Variants in PPP3CA observed in about 807,000 individuals in gnomAD.
PPP3CA encodes the protein protein phosphatase 3 catalytic subunit alpha.
A neutral mutation model predicts 66.5 loss-of-function variants in PPP3CA; 14 were observed. That is an observed-to-expected ratio of 0.21 (90% CI 0.14 to 0.33). PPP3CA has a LOEUF of 0.33. Among genes scored for constraint, PPP3CA ranks in the 10% least tolerant of loss-of-function variants. PPP3CA has a pLI of 1.00. For synonymous variants in PPP3CA, 232 were observed against 226.2 expected (o/e 1.03, Z -0.23); for missense variants, 317 against 639.5 (o/e 0.50, Z 5.44).
chr4:101,333,140 T>C (rs1729445756), intron 1 of PPP3CA, among the ~76,000 whole-genome samples: 1 of 148,112 alleles, frequency 6.8e-6, no homozygotes, highest in Non-Finnish European at 1.5e-5. Context: ...AGTCTCATAC[T>C]GTTACCCAGG....
intron 2 of PPP3CA, among the ~76,000 whole-genome samples, chr4:101,115,986 G>A (rs749889246): frequency 1.3e-5 from 2 of 151,934 alleles, no homozygotes; most frequent in Non-Finnish European, 2.9e-5. Context: ...GATTTTTAAT[G>A]TATCAGCATT....
chr4:101,054,806 C>T (rs764881142), intron 10 of PPP3CA, among the ~76,000 whole-genome samples: 1 of 152,040 alleles, frequency 6.6e-6, no homozygotes, highest in Non-Finnish European at 1.5e-5. Flanking sequence ...TATTCACTTG[C>T]TTATGGTTAA....
At position 101,092,451 on chromosome 4, in the gene PPP3CA, GT is replaced by G. The variant is rs1005230545; in HGVS notation, c.782+1324del. ...CAGTTTTTTTTTTTTTAATACTGGA[GT>G]TTTTTTTAAGTTCTGGAGTACATGT... On this transcript the variant is annotated intron_variant, in intron 6 of 13. Transcript: ENST00000394854. 4.0e-5 allele frequency among the ~76,000 whole-genome samples: 6 copies of G among 150,606 alleles called. No individual in the cohort carries two copies. The South Asian group carries it at 8.4e-4, about 21-fold the overall frequency.
chr4:101,284,252 T>C (rs966753550), intron 1 of PPP3CA, among the ~76,000 whole-genome samples: 1 of 152,206 alleles, frequency 6.6e-6, no homozygotes. Context: ...AAATCTTGTA[T>C]AGGATTTCTA....
At chr4:101,218,905 C>T (rs763619959) in intron 1 of PPP3CA, among the ~76,000 whole-genome samples, 21 of 152,034 alleles carry the variant, frequency 1.4e-4, no homozygotes, top group Non-Finnish European at 2.9e-4. Flanking sequence ...ACTATTTGTA[C>T]TCCATAGTTT....
rs78050296 is a variant in PPP3CA, at chr4:101,293,268, A to G, written c.58+53471T>C. On this transcript the variant is annotated intron_variant, in intron 1 of 13. Coordinates refer to ENST00000394854, the MANE Select transcript of PPP3CA (RefSeq NM_000944.5). Reference sequence around the variant, plus strand: ...TTACCTGCTTGCTCAATCACAGGTAATAATATTATCCCCCCTTTTCTGTCT... The same window carrying G: ...TTACCTGCTTGCTCAATCACAGGTAGTAATATTATCCCCCCTTTTCTGTCT... 5.2e-3 allele frequency among the ~76,000 whole-genome samples: 788 copies of G among 152,212 alleles called. 13 individuals are homozygous for G. Among genetic ancestry groups the G allele is most frequent in the African/African-American group, 0.018 (752 of 41,534 alleles).
chr4:101,282,753 C>T (rs1241704121), intron 1 of PPP3CA, among the ~76,000 whole-genome samples: 1 of 152,138 alleles, frequency 6.6e-6, no homozygotes, highest in Non-Finnish European at 1.5e-5. Context: ...TAAAGCAAGG[C>T]TCCCACCCAC....
chr4:101,262,537 C>T (rs1727041770), intron 1 of PPP3CA, among the ~76,000 whole-genome samples: 1 of 152,038 alleles, frequency 6.6e-6, no homozygotes, highest in South Asian at 2.1e-4. Context: ...ATTGTAAAGG[C>T]TAGAGGGAAC....
intron 5 of PPP3CA, among the ~76,000 whole-genome samples, chr4:101,097,521 T>C (rs1730248865): frequency 6.6e-6 from 1 of 152,120 alleles, no homozygotes; most frequent in Non-Finnish European, 1.5e-5. Context: ...TTTAAAATAA[T>C]TCCAAGTAAT....
At chr4:101,084,760 T>C (rs1226199051) in intron 6 of PPP3CA, among the ~76,000 whole-genome samples, 1 of 152,130 alleles carries the variant, frequency 6.6e-6, no homozygotes, top group African/African-American at 2.4e-5. Flanking sequence ...TGTGCCCATG[T>C]GTAGTGTGTT....
intron 1 of PPP3CA, chr4:101,240,740 AAAT>A (rs1323240280): frequency 6.6e-6 from 1 of 152,138 alleles, no homozygotes; most frequent in East Asian, 1.9e-4. Flanking sequence ...AAATTTAAAA[AAAT>A]AATAAGGATG....
Position 101,347,250 on chromosome 4 carries a change from G to A in PPP3CA, c.-454C>T. 4.6e-6 allele frequency: 1 copy of A among 218,698 alleles called. No individual in the cohort carries two copies. Among genetic ancestry groups the A allele is most frequent in the Non-Finnish European group, 9.0e-6 (1 of 110,972 alleles). 13.5% of individuals were successfully genotyped at this position (218,698 alleles called of 1,614,324 possible). A position where few individuals can be genotyped will look rare whatever the true frequency, so the allele number is the denominator to read the frequency against. On this transcript the variant is annotated 5_prime_UTR_variant, in exon 1 of 14. Coordinates refer to ENST00000394854, the MANE Select transcript of PPP3CA (RefSeq NM_000944.5). ...ATGGGGAAGGCCGGGGGCGAGGGAG[G>A]AGAGGCAGGGCCGCCGATGTCAGTG...
intron 1 of PPP3CA, among the ~76,000 whole-genome samples, chr4:101,308,288 C>T (rs1043255490): frequency 2.6e-5 from 4 of 152,084 alleles, no homozygotes; most frequent in African/African-American, 9.7e-5. Context: ...ATGAATAGAC[C>T]TGACCCAAAG....
intron 1 of PPP3CA, among the ~76,000 whole-genome samples, chr4:101,220,456 T>C (rs540407528): frequency 6.6e-6 from 1 of 151,804 alleles, no homozygotes; most frequent in East Asian, 1.9e-4. Context: ...AATAACAGTA[T>C]TAACACTAAA....
At chr4:101,221,328 ATAAG>A (rs1342658899) in intron 1 of PPP3CA, among the ~76,000 whole-genome samples, 2 of 151,680 alleles carry the variant, frequency 1.3e-5, no homozygotes, top group Non-Finnish European at 3.0e-5. Flanking sequence ...ATGTACAGAA[ATAAG>A]TAAGTCTATC....
intron 1 of PPP3CA, among the ~76,000 whole-genome samples, chr4:101,332,076 T>G (rs1407406275): frequency 6.6e-6 from 1 of 152,178 alleles, no homozygotes; most frequent in Non-Finnish European, 1.5e-5. Flanking sequence ...TTAAAAGACT[T>G]GAACTGAGAG....
chr4:101,227,470 T>A (rs1725819775), intron 1 of PPP3CA, among the ~76,000 whole-genome samples: 1 of 151,804 alleles, frequency 6.6e-6, no homozygotes, highest in Non-Finnish European at 1.5e-5. Flanking sequence ...CCATTCAATT[T>A]AATTTTAACT....
At chr4:101,244,546 GGACT>G (rs1376504149) in intron 1 of PPP3CA, among the ~76,000 whole-genome samples, 5 of 152,126 alleles carry the variant, frequency 3.3e-5, no homozygotes, top group Non-Finnish European at 5.9e-5. Context: ...GTGCTAATGA[GGACT>G]GACTAACAGC....
At chr4:101,064,669 G>A (rs1049829967) in intron 8 of PPP3CA, among the ~76,000 whole-genome samples, 5 of 151,916 alleles carry the variant, frequency 3.3e-5, no homozygotes, top group Admixed American at 2.6e-4. Context: ...ATCCCCTTTC[G>A]CCCTCTTTAA....
Sources: allele counts gnomAD v4.1 joint callset (sites outside exome capture counted in the v4.1 genomes callset), GRCh38; gene constraint gnomAD v4.1.1; transcripts MANE v1.5; gene names NCBI Gene and HGNC (gene_info 2026-07-23, HGNC 2026-07-21).